ESYT2: variants seen among roughly 807,000 people sequenced by gnomAD.
The protein encoded by ESYT2 is extended synaptotagmin 2.
A neutral mutation model predicts 107.2 loss-of-function variants in ESYT2; 54 were observed. The ratio of observed to expected loss-of-function variants is 0.50; its 90% confidence interval spans 0.40 to 0.63. The LOEUF is 0.63. Among genes scored for constraint, ESYT2 ranks in the 30% least tolerant of loss-of-function variants. The pLI, the probability that ESYT2 is intolerant of heterozygous loss-of-function variation, is 0.00. For missense variants in ESYT2, 1,020 were observed against 1,094.5 expected (o/e 0.93, Z 0.96); for synonymous variants, 491 against 434.1 (o/e 1.13, Z -1.63).
At chr7:158,770,302 T>A (rs999598782) in intron 7 of ESYT2, among the ~76,000 whole-genome samples, 1 of 128,524 alleles carries the variant, frequency 7.8e-6, no homozygotes. Flanking sequence ...ATCTATTAAA[T>A]TTTAGTACAT....
chr7:158,825,396 CAA>C (rs1057009689), intron 1 of ESYT2, among the ~76,000 whole-genome samples: 1 of 152,224 alleles, frequency 6.6e-6, no homozygotes, highest in Non-Finnish European at 1.5e-5. Flanking sequence ...GACACTTAAA[CAA>C]CAAAAAGCCC....
At chr7:158,767,124 C>G (rs1838191141) in intron 8 of ESYT2, among the ~76,000 whole-genome samples, 1 of 152,174 alleles carries the variant, frequency 6.6e-6, no homozygotes, top group Non-Finnish European at 1.5e-5. Flanking sequence ...TCAAGAGCTG[C>G]GACAAAAATC....
intron 14 of ESYT2, among the ~76,000 whole-genome samples, chr7:158,750,128 C>A (rs565593747): frequency 3.9e-5 from 6 of 151,998 alleles, no homozygotes; most frequent in South Asian, 2.1e-4. Context: ...ATTTCTCTGG[C>A]GGGAATAAAA....
At chr7:158,793,307 C>T (rs529348275) in intron 4 of ESYT2, among the ~76,000 whole-genome samples, 2 of 152,268 alleles carry the variant, frequency 1.3e-5, no homozygotes, top group South Asian at 4.1e-4. Flanking sequence ...ATAAATCCTA[C>T]TTGGTCATGG....
intron 1 of ESYT2, among the ~76,000 whole-genome samples, chr7:158,825,406 C>T (rs915091224): frequency 1.3e-5 from 2 of 152,332 alleles, no homozygotes; most frequent in East Asian, 1.9e-4. Flanking sequence ...CAACAAAAAG[C>T]CCTGTCCTCA....
chr7:158,809,620 T>G (rs1839939151), intron 1 of ESYT2, among the ~76,000 whole-genome samples: 2 of 151,564 alleles, frequency 1.3e-5, no homozygotes, highest in South Asian at 4.2e-4. Flanking sequence ...CAAATCAAAA[T>G]CACAATGAGG....
intron 10 of ESYT2, among the ~76,000 whole-genome samples, chr7:158,762,174 GGAT>G (rs1166797623): frequency 1.3e-5 from 2 of 151,970 alleles, no homozygotes; most frequent in Admixed American, 1.3e-4. Context: ...CAACTAGATG[GGAT>G]GATTATACTC....
At chr7:158,774,776 C>T (rs1337888712) in intron 6 of ESYT2, among the ~76,000 whole-genome samples, 1 of 152,186 alleles carries the variant, frequency 6.6e-6, no homozygotes, top group Non-Finnish European at 1.5e-5. Flanking sequence ...CAGAATCTTG[C>T]ATTTGACTCA....
intron 1 of ESYT2, among the ~76,000 whole-genome samples, chr7:158,815,076 T>C (rs779482188): frequency 5.9e-5 from 9 of 152,198 alleles, no homozygotes; most frequent in African/African-American, 9.6e-5. Flanking sequence ...GAGGTTTAAA[T>C]GACTTCCATG....
chr7:158,808,297 T>C (rs898351691), intron 1 of ESYT2, among the ~76,000 whole-genome samples: 1 of 152,222 alleles, frequency 6.6e-6, no homozygotes, highest in Non-Finnish European at 1.5e-5. Flanking sequence ...TCTGTCCAGC[T>C]CGAGACACGA....
intron 19 of ESYT2, among the ~76,000 whole-genome samples, chr7:158,737,546 C>T (rs950320396): frequency 1.3e-5 from 2 of 152,184 alleles, no homozygotes; most frequent in African/African-American, 4.8e-5. Context: ...GTGCCTACCC[C>T]TCCAGAAGGG....
At chr7:158,774,821 C>G in intron 6 of ESYT2, among the ~76,000 whole-genome samples, 1 of 152,212 alleles carries the variant, frequency 6.6e-6, no homozygotes, top group East Asian at 1.9e-4. Flanking sequence ...AGCGCACCAT[C>G]AGAGGACACC....
intron 6 of ESYT2, 91 bp downstream of exon 6, chr7:158,787,911 TAA>T (rs949635441): frequency 1.7e-5 from 17 of 998,054 alleles, no homozygotes; most frequent in Non-Finnish European, 2.7e-5. Context: ...GGTGAGTTGA[TAA>T]AATTTTGTTT....
At chr7:158,822,408 T>C (rs1840310364) in intron 1 of ESYT2, among the ~76,000 whole-genome samples, 3 of 152,214 alleles carry the variant, frequency 2.0e-5, no homozygotes, top group Admixed American at 2.0e-4. Flanking sequence ...ATGATTTCTA[T>C]TGCTATGCAA....
Position 158,737,125 on chromosome 7 carries a change from T to C in ESYT2, c.2322A>G (p.Leu774=), listed in dbSNP as rs369510097. Reference sequence around the variant, plus strand: ...TTCCTGACCGCCTCTTGTCTGGTAATAAATACATGCGGACATAGGGGTCAG... The same window carrying C: ...TTCCTGACCGCCTCTTGTCTGGTAACAAATACATGCGGACATAGGGGTCAG... The part of the protein sequence containing the change: ...DGSDPYVRMY[L]LPDKRRSGRR... Residue 774 remains leucine (L), a synonymous_variant, in exon 20 of 23, where the codon TTA becomes TTG. Transcript: ENST00000275418. 1.2e-6 allele frequency: 2 copies of C among 1,614,048 alleles called. No individual in the cohort carries two copies. The highest frequency in any genetic ancestry group is 2.2e-5 in the East Asian group (1 of 44,886).
chr7:158,824,603 C>T (rs1840384560), intron 1 of ESYT2, among the ~76,000 whole-genome samples: 1 of 152,100 alleles, frequency 6.6e-6, no homozygotes, highest in Non-Finnish European at 1.5e-5. Flanking sequence ...TACAGAACAA[C>T]ATAACCAAGG....
intron 3 of ESYT2, among the ~76,000 whole-genome samples, chr7:158,796,402 C>T (rs548858341): frequency 1.2e-4 from 18 of 152,296 alleles, no homozygotes; most frequent in Admixed American, 5.9e-4. Flanking sequence ...CTTCCACTTA[C>T]GTAATGAATG....
At position 158,741,726 on chromosome 7, in the gene ESYT2, G is replaced by T. The variant is rs750250873; in HGVS notation, c.1965C>A (p.Gly655=). 1.2e-6 allele frequency: 2 copies of T among 1,614,054 alleles called. No individual in the cohort carries two copies. Among genetic ancestry groups the T allele is most frequent in the African/African-American group, 2.7e-5 (2 of 75,008 alleles). ...NTAPSTPVIG[G]SDKPGMEEKA... ...TTTCTTCCATACCAGGCTTATCACT[G>T]CCCCCAATGACTGGTGTGGATGGAG... Residue 655 remains glycine, a synonymous_variant, in exon 18 of 23, where the codon GGC becomes GGA. Coordinates refer to ENST00000275418, the MANE Select transcript of ESYT2 (RefSeq NM_001367773.1).
intron 1 of ESYT2, among the ~76,000 whole-genome samples, chr7:158,812,803 G>A (rs1840027277): frequency 2.0e-5 from 3 of 152,128 alleles, no homozygotes; most frequent in Non-Finnish European, 2.9e-5. Context: ...TCAAAACTAA[G>A]CTAACTGAAA....
Sources: allele counts gnomAD v4.1 joint callset (sites outside exome capture counted in the v4.1 genomes callset), GRCh38; gene constraint gnomAD v4.1.1; transcripts MANE v1.5; gene names NCBI Gene and HGNC (gene_info 2026-07-23, HGNC 2026-07-21).